OAT: variants seen among roughly 807,000 people sequenced by gnomAD.
OAT encodes ornithine aminotransferase, mitochondrial.
A neutral mutation model predicts 48.4 loss-of-function variants in OAT; 35 were observed. The observed-to-expected ratio is 0.72, with a 90% confidence interval of 0.55 to 0.96. The LOEUF (loss-of-function observed/expected upper bound fraction) is 0.96, where lower values mean the gene tolerates loss of function less well. OAT is among the 40% of genes least tolerant of loss of function. The pLI, the probability that OAT is intolerant of heterozygous loss-of-function variation, is 0.00. For missense variants in OAT, 438 were observed against 537.9 expected, an observed-to-expected ratio of 0.81 and a Z score of 1.84; for synonymous variants, 182 against 198.4, an observed-to-expected ratio of 0.92 and a Z score of 0.70.
chr10:124,398,239 G>C, intron 9 of OAT, 137 bp from the exon 10 acceptor site: 1 of 947,248 alleles, frequency 1.1e-6, no homozygotes, highest in South Asian at 1.5e-5. Flanking sequence ...GGCTGGGAGC[G>C]GTGGCTTATG....
intron 6 of OAT, 148 bp downstream of exon 6, chr10:124,403,650 T>C (rs752678668): frequency 9.0e-7 from 1 of 1,114,408 alleles, no homozygotes; most frequent in Non-Finnish European, 1.3e-6. Context: ...GCTCTTAGAA[T>C]GCCATCGCCC....
At chr10:124,406,170 A>G (rs890478828) in intron 4 of OAT, 9 of 948,340 alleles carry the variant, frequency 9.5e-6, no homozygotes, top group Non-Finnish European at 8.8e-6. Context: ...GTGACTGAGG[A>G]TCTACTATGT....
At chr10:124,416,931 A>G (rs1951937046) in intron 1 of OAT, among the ~76,000 whole-genome samples, 1 of 152,172 alleles carries the variant, frequency 6.6e-6, no homozygotes, top group Non-Finnish European at 1.5e-5. Context: ...TATTCTGGCT[A>G]AAATTCAAGC....
intron 9 of OAT, among the ~76,000 whole-genome samples, chr10:124,399,935 A>G (rs1289891906): frequency 2.0e-5 from 3 of 152,212 alleles, no homozygotes; most frequent in African/African-American, 7.2e-5. Context: ...CTCACCAACA[A>G]AAAAACTTGA....
rs1218261492 is a variant in OAT at position 124,408,805 on chromosome 10, A to G, written c.360T>C (p.Leu120=). ...LTSRAFYNNV[L]GEYEEYITKL... ...TAGTAATATACTCCTCATATTCACC[A>G]AGTACGTTATTATAGAAAGCTCTAG... is the stretch of plus-strand genomic sequence containing the variant. Residue 120 remains leucine (L), a synonymous_variant, in exon 3 of 10, where the codon CTT becomes CTC. Transcript: ENST00000368845. 1 of 1,612,492 alleles carries G rather than the reference A, an allele frequency of 6.2e-7. No homozygotes were observed. The highest frequency in any genetic ancestry group is 8.5e-7 in the Non-Finnish European group (1 of 1,179,816).
intron 9 of OAT, among the ~76,000 whole-genome samples, chr10:124,398,638 C>T (rs922893372): frequency 2.3e-5 from 3 of 132,454 alleles, no homozygotes; most frequent in Non-Finnish European, 4.7e-5. Flanking sequence ...CATAGTTTTT[C>T]ATAAATGAAA....
At position 124,398,023 on chromosome 10, in the gene OAT, C is replaced by T; in HGVS notation, c.1239G>A (p.Arg413=). Residue 413 remains arginine, a synonymous_variant, in exon 10 of 10, where the codon AGG becomes AGA. Transcript: ENST00000368845. ...CCTTGATCACCAGCGGAGGCGCAAA[C>T]CTGATAATGTCGCCATGGGTTGGCT... is the stretch of plus-strand genomic sequence containing the variant. The part of the protein sequence containing the change: ...LAKPTHGDII[R]FAPPLVIKED... 2 of 1,614,076 alleles carry T rather than the reference C, an allele frequency of 1.2e-6. No homozygotes were observed. The highest frequency in any genetic ancestry group is 8.5e-7 in the Non-Finnish European group (1 of 1,179,948).
intron 6 of OAT, among the ~76,000 whole-genome samples, 160 bp downstream of exon 6, chr10:124,403,638 A>C (rs1256375973): frequency 6.6e-6 from 1 of 152,234 alleles, no homozygotes; most frequent in Non-Finnish European, 1.5e-5. Flanking sequence ...GGAAGTACTT[A>C]AGCTCTTAGA....
chr10:124,406,100 A>G, intron 4 of OAT: 4 of 985,302 alleles, frequency 4.1e-6, no homozygotes, highest in Non-Finnish European at 4.8e-6. Context: ...ATAATCCTTT[A>G]TGATGCTAAA....
At chr10:124,414,274 A>C (rs1229104883) in intron 1 of OAT, 1 of 152,212 alleles carries the variant, frequency 6.6e-6, no homozygotes, top group African/African-American at 2.4e-5. Flanking sequence ...GGCACTACCC[A>C]GTAAATCCAG....
intron 2 of OAT, among the ~76,000 whole-genome samples, chr10:124,411,064 C>T (rs769445835): frequency 5.1e-5 from 7 of 136,890 alleles, no homozygotes; most frequent in Non-Finnish European, 1.1e-4. Context: ...CACTTGAAAC[C>T]GAGAGGTAGA....
At chr10:124,398,422 C>T (rs1951298546) in intron 9 of OAT, among the ~76,000 whole-genome samples, 2 of 151,900 alleles carry the variant, frequency 1.3e-5, no homozygotes, top group Non-Finnish European at 2.9e-5. Context: ...GCAGGAGAAT[C>T]GCTTGAACCA....
In OAT at chr10:124,403,803, G is replaced by A; in HGVS notation, c.766C>T (p.His256Tyr). The change falls in exon 6 of 10, where the codon CAC becomes TAC. Residue 256 changes from histidine (H) to tyrosine (Y), a missense_variant. His to Tyr is a moderately conservative substitution (Grantham distance 83). Coordinates refer to ENST00000368845, the MANE Select transcript of OAT (RefSeq NM_000274.4). ...LMGVRELCTRHQVLFIADEIQ... is the reference protein window; with the variant it reads ...LMGVRELCTRYQVLFIADEIQ... The stretch of plus-strand genomic sequence containing the variant: ...CAAACAGCTAACGTGACAACCTGGT[G>A]CCTGGTGCAGAGCTCTCGCACTCCC... The A allele has an allele frequency of 1.2e-6, 2 of 1,614,118 alleles. No individual in the cohort carries two copies. The highest frequency in any genetic ancestry group is 1.7e-6 in the Non-Finnish European group (2 of 1,179,988).
Position 124,399,335 on chromosome 10 carries a change from ATTCTTTTTT to A in OAT, c.1160-1242_1160-1234del, listed in dbSNP as rs1224471690. 2.5e-3 allele frequency among the ~76,000 whole-genome samples: 252 copies of A among 100,372 alleles called. 2 individuals are homozygous for A. Among genetic ancestry groups the A allele is most frequent in the African/African-American group, 8.7e-3 (242 of 27,788 alleles). The allele number at this position is 100,372 out of a possible 152,430, so 65.8% of individuals were successfully genotyped here. Reference sequence around the variant, plus strand: ...ATTTTTTTAAGAAGCTCCCCAGGTGATTCTTTTTTTTTTTTTTTTTTTTTTTTTGAGACG... The same window carrying A: ...ATTTTTTTAAGAAGCTCCCCAGGTGATTTTTTTTTTTTTTTTTTTGAGACG... On this transcript the variant is annotated intron_variant, in intron 9 of 9. Transcript: ENST00000368845.
At chr10:124,414,287 T>C (rs990025588) in intron 1 of OAT, 2 of 152,226 alleles carry the variant, frequency 1.3e-5, no homozygotes, top group African/African-American at 4.8e-5. Flanking sequence ...AAATCCAGTA[T>C]GTTCAGGAAT....
rs376686600 is a variant in OAT at position 124,401,849 on chromosome 10, A to G, written c.901-10T>C. The G allele has an allele frequency of 1.9e-6, 3 of 1,588,644 alleles. No homozygotes were observed. Among genetic ancestry groups the G allele is most frequent in the Admixed American group, 1.7e-5 (1 of 59,948 alleles). On this transcript the variant is annotated splice_polypyrimidine_tract_variant and intron_variant, in intron 7 of 9. Transcript: ENST00000368845. ...ACAGCACTGCAGACACCTGAAAGAC[A>G]GTCAATTCACCATGTCATTTCTCAG...
intron 2 of OAT, among the ~76,000 whole-genome samples, 158 bp downstream of exon 2, chr10:124,411,815 C>CAAA (rs60176788): frequency 6.5e-5 from 7 of 107,524 alleles, no homozygotes; most frequent in Non-Finnish European, 9.8e-5. Context: ...GACTCCGTCT[C>CAAA]AAAAAAAAAA....
At chr10:124,416,659 T>C (rs185870306) in intron 1 of OAT, among the ~76,000 whole-genome samples, 3 of 152,272 alleles carry the variant, frequency 2.0e-5, no homozygotes, top group Admixed American at 6.5e-5. Context: ...CATTAGAACA[T>C]ACCTACAGTA....
chr10:124,411,863 T>C lies in OAT; in HGVS notation c.199+110A>G, dbSNP rs1456283257. ...GAAGAAGAATTAACCATGTCTGCAA[T>C]ATACACATTAAACACATCTAGAAAA... On this transcript the variant is annotated intron_variant, in intron 2 of 9. Transcript: ENST00000368845. The C allele has an allele frequency of 3.0e-5, 26 of 880,400 alleles. No individual in the cohort carries two copies. The East Asian group carries it at 5.8e-4, about 20-fold the overall frequency. The allele number at this position is 880,400 out of a possible 1,614,324, so 54.5% of individuals were successfully genotyped here.
Sources: allele counts gnomAD v4.1 joint callset (sites outside exome capture counted in the v4.1 genomes callset), GRCh38; gene constraint gnomAD v4.1.1; transcripts MANE v1.5; gene names NCBI Gene and HGNC (gene_info 2026-07-23, HGNC 2026-07-21).